The following CADM2 variants were observed in gnomAD, a reference collection of about 807,000 sequenced individuals.
CADM2 encodes the protein cell adhesion molecule 2.
In CADM2, 12 loss-of-function variants were observed where a neutral mutation model predicts 49.8. The ratio of observed to expected loss-of-function variants is 0.24; its 90% confidence interval spans 0.15 to 0.39. CADM2 has a LOEUF of 0.39. Ranked by LOEUF, CADM2 falls within the 10% of genes least tolerant of loss-of-function variation. The probability of loss-of-function intolerance (pLI) is 1.00; values close to 1 mark genes in which losing one functional copy is unlikely to be tolerated. For synonymous variants in CADM2, 214 were observed against 175.4 expected (o/e 1.22, Z -1.74); for missense variants, 378 against 492.3 (o/e 0.77, Z 2.20).
intron 8 of CADM2, among the ~76,000 whole-genome samples, chr3:86,064,761 G>A (rs1383960294): frequency 1.3e-5 from 2 of 152,160 alleles, no homozygotes; most frequent in Non-Finnish European, 2.9e-5. Context: ...ATTTCTTCTT[G>A]AAAACTGGCC....
chr3:85,635,684 A>T (rs1389328783), intron 1 of CADM2, among the ~76,000 whole-genome samples: 1 of 152,144 alleles, frequency 6.6e-6, no homozygotes, highest in East Asian at 1.9e-4. Context: ...ACATAAAAAA[A>T]TTTAGTGCAT....
intron 1 of CADM2, among the ~76,000 whole-genome samples, chr3:85,591,035 G>A (rs1398559271): frequency 6.6e-6 from 1 of 151,746 alleles, no homozygotes; most frequent in Non-Finnish European, 1.5e-5. Context: ...AGGAAAATAA[G>A]AGTTTGGTCA....
At chr3:85,534,390 C>T (rs2061382682) in intron 1 of CADM2, among the ~76,000 whole-genome samples, 1 of 152,152 alleles carries the variant, frequency 6.6e-6, no homozygotes. Flanking sequence ...TTCGAGTCCT[C>T]TATAGTCTTG....
At chr3:85,844,225 TAGAA>T (rs1161849273) in intron 3 of CADM2, among the ~76,000 whole-genome samples, 19 of 152,190 alleles carry the variant, frequency 1.2e-4, no homozygotes, top group African/African-American at 4.6e-4. Context: ...AATAGATAAT[TAGAA>T]AAGATCACCA....
chr3:85,126,818 G>T (rs1188286798), intron 1 of CADM2, among the ~76,000 whole-genome samples: 1 of 151,988 alleles, frequency 6.6e-6, no homozygotes, highest in Admixed American at 6.6e-5. Flanking sequence ...TTTCCTGTTT[G>T]TTGTTATTTT....
intron 3 of CADM2, among the ~76,000 whole-genome samples, chr3:85,865,467 A>G (rs1331332931): frequency 6.6e-6 from 1 of 152,224 alleles, no homozygotes; most frequent in African/African-American, 2.4e-5. Flanking sequence ...CCCACTTATG[A>G]GGAAATCCTG....
intron 1 of CADM2, among the ~76,000 whole-genome samples, chr3:85,410,013 G>A (rs2035584058): frequency 6.6e-6 from 1 of 152,018 alleles, no homozygotes; most frequent in African/African-American, 2.4e-5. Flanking sequence ...TACCTTTTCT[G>A]CTTCCTGCCT....
intron 3 of CADM2, among the ~76,000 whole-genome samples, chr3:85,831,187 G>T (rs1237029533): frequency 6.6e-6 from 1 of 151,854 alleles, no homozygotes; most frequent in Non-Finnish European, 1.5e-5. Context: ...CTTTATGGTT[G>T]TTTATCATTC....
chr3:85,384,709 G>A (rs552461832), intron 1 of CADM2, among the ~76,000 whole-genome samples: 1 of 151,902 alleles, frequency 6.6e-6, no homozygotes, highest in Admixed American at 6.6e-5. Flanking sequence ...ATACTTGTGT[G>A]TGTATATATA....
chr3:85,397,108 C>T lies in CADM2; in HGVS notation c.62-329414C>T, dbSNP rs151226960. On this transcript the variant is annotated intron_variant, in intron 1 of 9. Transcript: ENST00000383699. Reference sequence around the variant, plus strand: ...AAAAATGGGAAAAAGACTTTAAAGACATTTCTGTAAAGAAGATAAACAAGT... The same window carrying T: ...AAAAATGGGAAAAAGACTTTAAAGATATTTCTGTAAAGAAGATAAACAAGT... 3.1e-3 allele frequency among the ~76,000 whole-genome samples: 468 copies of T among 152,114 alleles called. 1 individual carries two copies. The highest frequency in any genetic ancestry group is 8.8e-3 in the African/African-American group (365 of 41,520).
chr3:85,354,258 C>T (rs961025156), intron 1 of CADM2, among the ~76,000 whole-genome samples: 12 of 144,298 alleles, frequency 8.3e-5, no homozygotes, highest in African/African-American at 2.3e-4. Context: ...ATTCATATGT[C>T]GAAATAAATC....
At chr3:85,144,212 A>T (rs1322405339) in intron 1 of CADM2, among the ~76,000 whole-genome samples, 1 of 151,044 alleles carries the variant, frequency 6.6e-6, no homozygotes, top group Non-Finnish European at 1.5e-5. Context: ...TTTCTATGAA[A>T]CTTATCACCA....
intron 3 of CADM2, among the ~76,000 whole-genome samples, chr3:85,861,159 T>C (rs1045055915): frequency 1.3e-5 from 2 of 152,138 alleles, no homozygotes; most frequent in Admixed American, 6.6e-5. Flanking sequence ...GAGAATAGAC[T>C]ATAGAAGGTA....
intron 7 of CADM2, among the ~76,000 whole-genome samples, chr3:85,938,651 A>T (rs2108545919): frequency 6.6e-6 from 1 of 152,166 alleles, no homozygotes; most frequent in East Asian, 1.9e-4. Flanking sequence ...CTACTCCATT[A>T]TTTTGCAACT....
chr3:85,349,509 A>T (rs1185588742), intron 1 of CADM2, among the ~76,000 whole-genome samples: 1 of 152,182 alleles, frequency 6.6e-6, no homozygotes, highest in Non-Finnish European at 1.5e-5. Context: ...GTCTTCCCTA[A>T]CAATTTTTAC....
chr3:85,365,508 A>G (rs1189145837), intron 1 of CADM2, among the ~76,000 whole-genome samples: 1 of 152,112 alleles, frequency 6.6e-6, no homozygotes, highest in African/African-American at 2.4e-5. Flanking sequence ...TGACAGAGAG[A>G]TTACTGGGTG....
intron 8 of CADM2, among the ~76,000 whole-genome samples, chr3:86,009,099 G>C (rs1023231988): frequency 2.0e-5 from 3 of 147,174 alleles, no homozygotes; most frequent in African/African-American, 7.4e-5. Context: ...TATAGTGTGT[G>C]TGTGTGTGTA....
rs995295810 is a variant in CADM2 at position 85,985,811 on chromosome 3, T to C, written c.970+24164T>C. Reference sequence around the variant, plus strand: ...AAAAATCATATACACAAAGTTGAGCTATATAAATTGAAAATAAAACAAAGT... The same window carrying C: ...AAAAATCATATACACAAAGTTGAGCCATATAAATTGAAAATAAAACAAAGT... On this transcript the variant is annotated intron_variant, in intron 8 of 9. Transcript: ENST00000383699. Among the ~76,000 whole-genome samples the C allele has an allele frequency of 5.3e-5, 8 of 152,146 alleles. No individual in the cohort carries two copies. In the East Asian group the frequency reaches 1.5e-3, roughly 29 times the overall value.
At chr3:85,912,946 G>T (rs532511493) in intron 6 of CADM2, among the ~76,000 whole-genome samples, 2 of 152,198 alleles carry the variant, frequency 1.3e-5, no homozygotes, top group African/African-American at 4.8e-5. Flanking sequence ...ATGCTTTTAA[G>T]ATTAGACTAG....
Sources: allele counts gnomAD v4.1 joint callset (sites outside exome capture counted in the v4.1 genomes callset), GRCh38; gene constraint gnomAD v4.1.1; transcripts MANE v1.5; gene names NCBI Gene and HGNC (gene_info 2026-07-23, HGNC 2026-07-21).